DNAJC7: variants seen among roughly 807,000 people sequenced by gnomAD.
The protein encoded by DNAJC7 is DnaJ heat shock protein family (Hsp40) member C7.
A neutral mutation model predicts 67.4 loss-of-function variants in DNAJC7; 18 were observed. That is an observed-to-expected ratio of 0.27 (90% CI 0.18 to 0.40). The LOEUF (loss-of-function observed/expected upper bound fraction) is 0.40. Among genes scored for constraint, DNAJC7 ranks in the 10% least tolerant of loss-of-function variants. DNAJC7 has a pLI of 1.00. For missense variants in DNAJC7, 419 were observed against 613.8 expected (o/e 0.68, Z 3.35); for synonymous variants, 220 against 207.8 (o/e 1.06, Z -0.50).
intron 9 of DNAJC7, among the ~76,000 whole-genome samples, chr17:41,986,530 C>CTTTTTTTTTT (rs74268062): frequency 7.8e-6 from 1 of 128,704 alleles, no homozygotes; most frequent in Non-Finnish European, 1.7e-5. Flanking sequence ...CTCCCCCCGC[C>CTTTTTTTTTT]TTTTTTTTTT....
Position 41,982,264 on chromosome 17 carries a change from G to A in DNAJC7, c.1222C>T (p.His408Tyr). 1 of 1,613,982 alleles carries A rather than the reference G, an allele frequency of 6.2e-7. No homozygotes were observed. Among genetic ancestry groups the A allele is most frequent in the Non-Finnish European group, 8.5e-7 (1 of 1,179,890 alleles). The change falls in exon 11 of 14, where the codon CAC (histidine) becomes TAC (tyrosine). Residue 408 changes from histidine (H) to tyrosine (Y), a missense_variant. Around this residue, in one of 4 missense-constraint regions of DNAJC7, gnomAD observed 161 missense variants for 252.2 expected, o/e 0.64. Transcript: ENST00000457167. Reference sequence around the variant, plus strand: ...CCCGCACCTACTCTACCTGGATGGTGCATCAAGGCCCGTTTCCGATAAGCT... The same window carrying A: ...CCCGCACCTACTCTACCTGGATGGTACATCAAGGCCCGTTTCCGATAAGCT... ...KKAYRKRALM[H>Y]HPDRHSGASA...
chr17:41,987,981 G>C (rs2051426624), intron 8 of DNAJC7, 71 bp from the exon 9 acceptor site: 2 of 1,279,174 alleles, frequency 1.6e-6, no homozygotes, highest in Admixed American at 2.0e-5. Flanking sequence ...TGTGAGCATG[G>C]CTTCAAAACT....
intron 6 of DNAJC7, 58 bp downstream of exon 6, chr17:41,990,206 G>C: frequency 6.7e-7 from 1 of 1,494,786 alleles, no homozygotes. Context: ...GAAGCTGCCG[G>C]ACACCATCAG....
intron 5 of DNAJC7, 124 bp downstream of exon 5, chr17:41,994,746 T>G (rs2051610459): frequency 1.3e-6 from 1 of 745,154 alleles, no homozygotes; most frequent in African/African-American, 1.7e-5. Context: ...GAAGCCTAAT[T>G]TAAGTGATAA....
At position 42,000,529 on chromosome 17, in the gene DNAJC7, G is replaced by A; in HGVS notation, c.119C>T (p.Ala40Val). ...TFKEQGNAYY[A>V]KKDYNEAYNY... is the part of the protein sequence containing the mutation. ...ATAAGCTTCATTGTAATCTTTCTTG[G>A]CATAGTATGCATTTCCTTGTTCCTT... The change falls in exon 2 of 14, where the codon GCC becomes GTC. Residue 40 changes from alanine (A) to valine (V), a missense_variant. Around this residue, in one of 4 missense-constraint regions of DNAJC7, gnomAD observed 63 missense variants for 54.0 expected, o/e 1.17. Coordinates refer to ENST00000457167, the MANE Select transcript of DNAJC7 (RefSeq NM_003315.4). 6.2e-7 allele frequency: 1 copy of A among 1,611,768 alleles called. No individual in the cohort carries two copies. Among genetic ancestry groups the A allele is most frequent in the African/African-American group, 1.3e-5 (1 of 74,922 alleles).
intron 1 of DNAJC7, among the ~76,000 whole-genome samples, chr17:42,010,162 GAGAC>G (rs1302259045): frequency 1.3e-5 from 2 of 149,212 alleles, no homozygotes; most frequent in African/African-American, 2.5e-5. Flanking sequence ...AAGAAAGAAA[GAGAC>G]AGACAGAAAG....
At chr17:41,995,840 C>T (rs1285322837) in intron 4 of DNAJC7, among the ~76,000 whole-genome samples, 2 of 152,188 alleles carry the variant, frequency 1.3e-5, no homozygotes, top group African/African-American at 4.8e-5. Flanking sequence ...CAGGTTCTTG[C>T]TCTGTTGCCC....
rs1177632860 is a variant in DNAJC7 at position 41,996,556 on chromosome 17, C to T, written c.292-132G>A. On this transcript the variant is annotated intron_variant, in intron 3 of 13. Transcript: ENST00000457167. The stretch of plus-strand genomic sequence containing the variant: ...GTGACTCACACCTGTAATCCCAGCA[C>T]TTTGGGAAGCTGAGGCGGGCAGATC... 20 of 695,564 alleles carry T rather than the reference C, an allele frequency of 2.9e-5. No individual in the cohort carries two copies. The East Asian group carries it at 5.6e-4, about 20-fold the overall frequency. 43.1% of individuals were successfully genotyped at this position (695,564 alleles called of 1,614,324 possible). A position where few individuals can be genotyped will look rare whatever the true frequency, so the allele number is the denominator to read the frequency against.
At chr17:41,981,307 A>G (rs997713620) in intron 12 of DNAJC7, among the ~76,000 whole-genome samples, 4 of 151,832 alleles carry the variant, frequency 2.6e-5, no homozygotes, top group Admixed American at 2.6e-4. Context: ...AGCGATTCTC[A>G]TGCCTCGGCC....
rs1255182712 is a variant in DNAJC7 at position 41,983,508 on chromosome 17, T to C, written c.1084+55A>G. 7.5e-6 allele frequency: 11 copies of C among 1,461,602 alleles called. No homozygotes were observed. The South Asian group carries it at 1.2e-4, about 16-fold the overall frequency. The allele number at this position is 1,461,602 out of a possible 1,614,324, so 90.5% of individuals were successfully genotyped here. On this transcript the variant is annotated intron_variant, in intron 10 of 13. Coordinates refer to ENST00000457167, the MANE Select transcript of DNAJC7 (RefSeq NM_003315.4). Reference sequence around the variant, plus strand: ...GAATCAAACTACCTTGTGTACAGATTTATGGCCTACGAAGTCCACACAGTT... The same window carrying C: ...GAATCAAACTACCTTGTGTACAGATCTATGGCCTACGAAGTCCACACAGTT...
At chr17:42,016,871 A>C (rs2052312005) in intron 1 of DNAJC7, 1 of 875,802 alleles carries the variant, frequency 1.1e-6, no homozygotes, top group South Asian at 2.8e-5. Flanking sequence ...CTTCGAACCC[A>C]GACTAGTGAT....
chr17:41,990,175 C>T, intron 6 of DNAJC7, 89 bp downstream of exon 6: 1 of 1,316,660 alleles, frequency 7.6e-7, no homozygotes. Context: ...CTGGCCTACT[C>T]TGGGGACCAT....
At chr17:41,989,011 AG>A (rs2051447857) in intron 7 of DNAJC7, 115 bp from the exon 8 acceptor site, 1 of 1,282,628 alleles carries the variant, frequency 7.8e-7, no homozygotes, top group Admixed American at 2.6e-5. Flanking sequence ...AGCATCACAG[AG>A]CCCCGCCAAC....
chr17:41,984,073 C>T (rs1330810183), intron 9 of DNAJC7, among the ~76,000 whole-genome samples: 2 of 152,148 alleles, frequency 1.3e-5, no homozygotes, highest in South Asian at 2.1e-4. Flanking sequence ...GGACTAGCTA[C>T]AATCCAGAAT....
intron 1 of DNAJC7, chr17:42,015,522 T>A (rs1379351261): frequency 2.6e-5 from 4 of 152,010 alleles, no homozygotes; most frequent in Non-Finnish European, 5.9e-5. Context: ...ACATCAGAGA[T>A]TTACAATGAG....
rs999541156 is a variant in DNAJC7 at position 41,999,182 on chromosome 17, A to G, written c.166+1300T>C. ...ACTACAACCTCTGCCTCCCAGGTTCAAGCAATTCTCCTGCCTCAGCCTCCC... is the reference window on the plus strand; with the variant it reads ...ACTACAACCTCTGCCTCCCAGGTTCGAGCAATTCTCCTGCCTCAGCCTCCC... On this transcript the variant is annotated intron_variant, in intron 2 of 13. Coordinates refer to ENST00000457167, the MANE Select transcript of DNAJC7 (RefSeq NM_003315.4). 1.1e-4 allele frequency among the ~76,000 whole-genome samples: 17 copies of G among 151,858 alleles called. No individual in the cohort carries two copies. The South Asian group carries it at 1.2e-3, about 11-fold the overall frequency.
chr17:41,989,643 A>C (rs1425792196), intron 6 of DNAJC7, 86 bp from the exon 7 acceptor site: 11 of 1,526,836 alleles, frequency 7.2e-6, no homozygotes, highest in Non-Finnish European at 8.9e-6. Flanking sequence ...TTCCTCCTTG[A>C]CCATGTGTCT....
Position 41,981,835 on chromosome 17 carries a change from G to A in DNAJC7, c.1384+20C>T. 7 of 1,609,686 alleles carry A rather than the reference G, an allele frequency of 4.3e-6. No homozygotes were observed. The highest frequency in any genetic ancestry group is 5.9e-6 in the Non-Finnish European group (7 of 1,178,152). Reference sequence around the variant, plus strand: ...TTCTACAGCTGTCAAATTCATCCCAGGCTGCCCCAGCCAACTCACCACCCA... The same window carrying A: ...TTCTACAGCTGTCAAATTCATCCCAAGCTGCCCCAGCCAACTCACCACCCA... On this transcript the variant is annotated intron_variant, in intron 12 of 13. Transcript: ENST00000457167.
At chr17:41,983,305 G>A (rs1567955417) in intron 10 of DNAJC7, among the ~76,000 whole-genome samples, 1 of 152,036 alleles carries the variant, frequency 6.6e-6, no homozygotes, top group Non-Finnish European at 1.5e-5. Flanking sequence ...TGTATTTTCA[G>A]TAGAGATGGG....
Sources: gnomAD v4.1 joint callset for allele counts (sites outside exome capture counted in the v4.1 genomes callset) on GRCh38, gnomAD v4.1.1 for gene constraint, gnomAD v4.1.1 regional missense constraint, MANE v1.5 for transcripts, NCBI Gene and HGNC (gene_info 2026-07-23, HGNC 2026-07-21) for gene names.